The following CREBBP variants were observed in gnomAD, a reference collection of about 807,000 sequenced individuals.
CREBBP encodes the protein CREB-binding protein.
Under a neutral mutation model 265.0 loss-of-function variants are expected in CREBBP, and 19 were observed. The observed-to-expected ratio is 0.07, with a 90% CI of 0.05 to 0.11. CREBBP has a LOEUF of 0.11. Ranked by LOEUF, CREBBP falls within the 10% of genes least tolerant of loss-of-function variation. The pLI is 1.00. For synonymous variants in CREBBP, 1,457 were observed against 1,223.7 expected (o/e 1.19, Z -3.98); for missense variants, 2,525 against 3,219.0 (o/e 0.78, Z 5.22).
At chr16:3,737,047 G>A in intron 26 of CREBBP, 1 of 591,796 alleles carries the variant, frequency 1.7e-6, no homozygotes, top group Non-Finnish European at 3.0e-6. Context: ...CACACACAGG[G>A]CAGGGCCGAG....
chr16:3,777,970 GA>G (rs778324719), intron 10 of CREBBP, 40 bp downstream of exon 10: 6 of 1,606,108 alleles, frequency 3.7e-6, no homozygotes, highest in Admixed American at 3.3e-5. Flanking sequence ...GAAAACCAAG[GA>G]AACAGGCTAA....
rs752062116 is a variant in CREBBP at position 3,770,641 on chromosome 16, G to T, written c.2809C>A (p.Pro937Thr). ...TPQPQTPVQP[P>T]SVATPQSSQQ... is the part of the protein sequence containing the mutation. ...GATGACTGAGGGGTAGCCACAGACG[G>T]GGGCTGAACTGGGGTTTGAGGCTGC... The change falls in exon 14 of 31, where the codon CCG becomes ACG. Residue 937 changes from proline (P) to threonine (T), a missense_variant. By Grantham distance (38) the Pro-to-Thr change is conservative (BLOSUM62 -1). Transcript: ENST00000262367. 1 of 1,614,008 alleles carries T rather than the reference G, an allele frequency of 6.2e-7. No individual in the cohort carries two copies. The highest frequency in any genetic ancestry group is 1.1e-5 in the South Asian group (1 of 91,078).
intron 27 of CREBBP, 178 bp downstream of exon 27, chr16:3,736,472 A>AT (rs1412556753): frequency 2.0e-5 from 19 of 955,814 alleles, no homozygotes; most frequent in Non-Finnish European, 2.7e-5. Flanking sequence ...CGGCCAGGGG[A>AT]AAGCCTCAAT....
At chr16:3,806,092 G>T (rs990377303) in intron 3 of CREBBP, among the ~76,000 whole-genome samples, 4 of 152,222 alleles carry the variant, frequency 2.6e-5, no homozygotes, top group Non-Finnish European at 5.9e-5. Flanking sequence ...GCCATGGACA[G>T]GTGCTGAGAC....
rs2151383336 is a variant in CREBBP, at chr16:3,757,900, C to T, written c.3518G>A (p.Arg1173Gln). Residue 1173 changes from arginine to glutamine, a missense_variant, in exon 18 of 31, where the codon CGA (arginine) becomes CAA (glutamine). Coordinates refer to ENST00000262367, the MANE Select transcript of CREBBP (RefSeq NM_004380.3). ...NAWLYNRKTS[R>Q]VYKFCSKLAE... is the part of the protein sequence containing the mutation. ...AAGCTTACTGCAAAACTTATAGACT[C>T]GGGATGTCTTGCGATTATAGAGCCA... is the stretch of plus-strand genomic sequence containing the variant. 1 of 1,614,094 alleles carries T rather than the reference C, an allele frequency of 6.2e-7. No homozygotes were observed. Among genetic ancestry groups the T allele is most frequent in the Non-Finnish European group, 8.5e-7 (1 of 1,180,022 alleles).
chr16:3,791,146 C>T (rs957373625), intron 5 of CREBBP: 1 of 152,718 alleles, frequency 6.5e-6, no homozygotes, highest in African/African-American at 2.4e-5. Context: ...AAGGGCACTT[C>T]CTAGCTGTCC....
chr16:3,736,474 A>T, intron 27 of CREBBP, 176 bp downstream of exon 27: 1 of 958,254 alleles, frequency 1.0e-6, no homozygotes, highest in South Asian at 1.5e-5. Flanking sequence ...GCCAGGGGAA[A>T]GCCTCAATCA....
At chr16:3,817,924 G>A (rs1270846561) in intron 2 of CREBBP, among the ~76,000 whole-genome samples, 2 of 152,090 alleles carry the variant, frequency 1.3e-5, no homozygotes, top group Admixed American at 6.5e-5. Context: ...TTGGAGGAAG[G>A]AAACTTCCTC....
intron 14 of CREBBP, 82 bp downstream of exon 14, chr16:3,770,488 G>T: frequency 1.3e-6 from 2 of 1,492,686 alleles, no homozygotes; most frequent in Non-Finnish European, 1.8e-6. Context: ...GAACCACCGC[G>T]CCTGGCCTGA....
rs140525824 is a variant in CREBBP, at chr16:3,759,787, T to C, written c.3251-815A>G. On this transcript the variant is annotated intron_variant, in intron 16 of 30. Transcript: ENST00000262367. Reference sequence around the variant, plus strand: ...TTACTCCCACATTTACTAATGCCAATTTCTCCAACCCCTCAGACACCTTAC... The same window carrying C: ...TTACTCCCACATTTACTAATGCCAACTTCTCCAACCCCTCAGACACCTTAC... Among the ~76,000 whole-genome samples the C allele has an allele frequency of 3.3e-5, 5 of 152,310 alleles. No homozygotes were observed. The East Asian group carries it at 9.6e-4, about 29-fold the overall frequency.
chr16:3,729,874 C>A lies in CREBBP; in HGVS notation c.5173G>T (p.Asp1725Tyr), dbSNP rs2151312794. The change falls in exon 31 of 31, where the codon GAC becomes TAC. Residue 1725 changes from aspartate (D) to tyrosine (Y), a missense_variant and splice_region_variant. Asp to Tyr is a radical substitution (Grantham distance 160). Transcript: ENST00000262367. Reference protein sequence around the residue: ...ETRWHCTVCEDYDLCINCYNT... With the variant: ...ETRWHCTVCEYYDLCINCYNT... ...TAGCAGTTGATGCAGAGGTCGTAGT[C>A]CTGCAAGCAAGGAAAGGGGACAGGC... 6.2e-7 allele frequency: 1 copy of A among 1,600,876 alleles called. No individual in the cohort carries two copies. The highest frequency in any genetic ancestry group is 1.1e-5 in the South Asian group (1 of 91,052).
chr16:3,726,625 A>C lies in CREBBP; in HGVS notation c.*1093T>G, dbSNP rs534603318. On this transcript the variant is annotated 3_prime_UTR_variant, in exon 31 of 31. Coordinates refer to ENST00000262367, the MANE Select transcript of CREBBP (RefSeq NM_004380.3). ...AAATAAAAACCTTAAACATTCTTAC[A>C]GGGATCTTAAAGAACAGAATACATG... The C allele has an allele frequency of 3.0e-5, 7 of 233,736 alleles. No homozygotes were observed. In the East Asian group the frequency reaches 4.2e-4, roughly 14 times the overall value. 14.5% of individuals were successfully genotyped at this position (233,736 alleles called of 1,614,324 possible). A position where few individuals can be genotyped will look rare whatever the true frequency, so the allele number is the denominator to read the frequency against.
intron 8 of CREBBP, 96 bp downstream of exon 8, chr16:3,780,636 G>A (rs1159461640): frequency 7.4e-7 from 1 of 1,350,840 alleles, no homozygotes; most frequent in Non-Finnish European, 1.0e-6. Flanking sequence ...ATAAGCACGT[G>A]ACTTGTATAG....
intron 2 of CREBBP, among the ~76,000 whole-genome samples, chr16:3,818,220 C>G (rs188528246): frequency 1.3e-5 from 2 of 152,028 alleles, no homozygotes; most frequent in Admixed American, 6.5e-5. Context: ...GGCACTGCGA[C>G]GCAGAACTTG....
intron 2 of CREBBP, among the ~76,000 whole-genome samples, chr16:3,836,339 T>A (rs1422891881): frequency 6.9e-6 from 1 of 144,280 alleles, no homozygotes; most frequent in Non-Finnish European, 1.5e-5. Context: ...GAGGCTGAGG[T>A]AGGAGAATCG....
chr16:3,856,832 C>T (rs892390863), intron 1 of CREBBP, among the ~76,000 whole-genome samples: 14 of 152,124 alleles, frequency 9.2e-5, no homozygotes, highest in Admixed American at 9.2e-4. Flanking sequence ...CTGCAAAAGG[C>T]GACCTAACTG....
In CREBBP at chr16:3,729,588, T is replaced by C. The variant is rs2051855275; in HGVS notation, c.5459A>G (p.Lys1820Arg). The change falls in exon 31 of 31, where the codon AAG (lysine) becomes AGG (arginine). Residue 1820 changes from lysine to arginine, a missense_variant. By Grantham distance (26) the Lys-to-Arg change is conservative. This residue lies in a region of CREBBP where 53 missense variants were observed against 146.3 expected (regional missense o/e 0.36). Coordinates refer to ENST00000262367, the MANE Select transcript of CREBBP (RefSeq NM_004380.3). ...RKTNGGCPVC[K>R]QLIALCCYHA... ...GTAGCAGCAGAGGGCGATGAGCTGC[T>C]TGCACACCGGGCAGCCCCCGTTGGT... The C allele has an allele frequency of 1.2e-6, 2 of 1,614,212 alleles. No individual in the cohort carries two copies. Among genetic ancestry groups the C allele is most frequent in the South Asian group, 1.1e-5 (1 of 91,092 alleles).
At chr16:3,829,177 T>A (rs895024486) in intron 2 of CREBBP, among the ~76,000 whole-genome samples, 1 of 152,152 alleles carries the variant, frequency 6.6e-6, no homozygotes, top group Admixed American at 6.6e-5. Context: ...TTTTAAAATA[T>A]AGCAAAAATA....
At chr16:3,791,624 GACA>G (rs1286426944) in intron 5 of CREBBP, among the ~76,000 whole-genome samples, 1 of 152,116 alleles carries the variant, frequency 6.6e-6, no homozygotes, top group Non-Finnish European at 1.5e-5. Flanking sequence ...CCATTATAGC[GACA>G]TGGAATTTAA....
Sources: gnomAD v4.1 joint callset for allele counts (sites outside exome capture counted in the v4.1 genomes callset) on GRCh38, gnomAD v4.1.1 for gene constraint, gnomAD v4.1.1 regional missense constraint, MANE v1.5 for transcripts, NCBI Gene and HGNC (gene_info 2026-07-23, HGNC 2026-07-21) for gene names.